The following MROH7 variants were observed in gnomAD, a reference collection of about 807,000 sequenced individuals.
MROH7 encodes maestro heat like repeat family member 7.
In MROH7, 113 loss-of-function variants were observed where a neutral mutation model predicts 129.2. The ratio of observed to expected loss-of-function variants is 0.87; its 90% CI spans 0.75 to 1.02. The LOEUF (loss-of-function observed/expected upper bound fraction) is 1.02. MROH7 is among the 50% of genes least tolerant of loss of function. The pLI, the probability that MROH7 is intolerant of heterozygous loss-of-function variation, is 0.00. For synonymous variants in MROH7, 655 were observed against 667.9 expected (o/e 0.98, Z 0.30); for missense variants, 1,601 against 1,671.3 (o/e 0.96, Z 0.73).
intron 15 of MROH7, among the ~76,000 whole-genome samples, chr1:54,687,656 G>A (rs1376725311): frequency 1.3e-5 from 2 of 152,040 alleles, no homozygotes; most frequent in African/African-American, 4.8e-5. Flanking sequence ...GGATAAAATG[G>A]AGTGACTCCT....
At chr1:54,664,208 G>A (rs891202120) in intron 3 of MROH7, among the ~76,000 whole-genome samples, 1 of 152,192 alleles carries the variant, frequency 6.6e-6, no homozygotes, top group Non-Finnish European at 1.5e-5. Context: ...GGAATAGGGT[G>A]CACCCAGGAA....
At chr1:54,676,836 G>C (rs894454052) in intron 10 of MROH7, among the ~76,000 whole-genome samples, 1 of 151,906 alleles carries the variant, frequency 6.6e-6, no homozygotes, top group Non-Finnish European at 1.5e-5. Flanking sequence ...AGCCTCCTGA[G>C]TAGCTGGGAT....
At chr1:54,697,937 T>C in intron 17 of MROH7, 1 of 427,544 alleles carries the variant, frequency 2.3e-6, no homozygotes, top group Non-Finnish European at 4.2e-6. Context: ...CACCATTCCC[T>C]GGACTCCTGA....
At chr1:54,654,293 T>C (rs761327172) in intron 3 of MROH7, 136 bp downstream of exon 3, 2 of 893,936 alleles carry the variant, frequency 2.2e-6, no homozygotes, top group East Asian at 2.7e-5. Flanking sequence ...AATTCTATAC[T>C]AGACATCTAA....
intron 23 of MROH7, 30 bp from the exon 24 acceptor site, chr1:54,709,916 T>G (rs370756083): frequency 1.3e-5 from 21 of 1,602,068 alleles, no homozygotes; most frequent in Admixed American, 1.7e-5. Flanking sequence ...TGGGTCTTAA[T>G]AGGAGGCTTC....
At position 54,695,421 on chromosome 1, in the gene MROH7, C is replaced by T; in HGVS notation, c.2895C>T (p.Tyr965=). 6.2e-7 allele frequency: 1 copy of T among 1,613,798 alleles called. No individual in the cohort carries two copies. Among genetic ancestry groups the T allele is most frequent in the Non-Finnish European group, 8.5e-7 (1 of 1,179,874 alleles). Residue 965 remains tyrosine, a synonymous_variant, in exon 17 of 24, where the codon TAC becomes TAT. Transcript: ENST00000421030. ...GCCAGGAGCTGTGCCGCATCCTCTA[C>T]CTGCTCATCCCGCTCCTGGAGCGAG... ...YSCQELCRIL[Y]LLIPLLERGD...
At chr1:54,664,936 C>T (rs571693234) in intron 3 of MROH7, among the ~76,000 whole-genome samples, 13 of 152,124 alleles carry the variant, frequency 8.5e-5, no homozygotes, top group African/African-American at 2.9e-4. Context: ...CACTTGAACC[C>T]GGAAGTTGAA....
chr1:54,707,768 A>G (rs1645558870), intron 22 of MROH7, among the ~76,000 whole-genome samples: 1 of 152,174 alleles, frequency 6.6e-6, no homozygotes, highest in Non-Finnish European at 1.5e-5. Context: ...TGCAATGATT[A>G]TTAACCTTTT....
intron 16 of MROH7, among the ~76,000 whole-genome samples, chr1:54,693,477 T>C (rs1645272197): frequency 6.6e-6 from 1 of 152,192 alleles, no homozygotes; most frequent in African/African-American, 2.4e-5. Context: ...CCACACAGGC[T>C]AATTTTTACT....
In MROH7 at chr1:54,668,844, TGTCCCCTAG is replaced by T; in HGVS notation, c.1306-7_1307del. 1 of 1,612,678 alleles carries T rather than the reference TGTCCCCTAG, an allele frequency of 6.2e-7. No homozygotes were observed. Among genetic ancestry groups the T allele is most frequent in the African/African-American group, 1.3e-5 (1 of 74,990 alleles). On this transcript the variant is annotated splice_acceptor_variant and splice_polypyrimidine_tract_variant and intron_variant, in intron 4 of 23. Transcript: ENST00000421030. LOFTEE classifies it high-confidence loss of function. ...CTCACTCTGAGGTTTTGCCCTCTGC[TGTCCCCTAG>T]GTTGAGAATGTCACCACCCTTCAGA...
rs982397541 is a variant in MROH7, at chr1:54,682,522, G to T, written c.2382-134G>T. 1.7e-5 allele frequency: 14 copies of T among 828,268 alleles called. No homozygotes were observed. The South Asian group carries it at 2.4e-4, about 14-fold the overall frequency. The allele number at this position is 828,268 out of a possible 1,614,324, so 51.3% of individuals were successfully genotyped here. ...CCTGACTCTTTGGGAGTGTTTTCTG[G>T]ACTATTCCTTGCAGGTGTGCCCATG... On this transcript the variant is annotated intron_variant, in intron 13 of 23. Transcript: ENST00000421030.
intron 12 of MROH7, 55 bp downstream of exon 12, chr1:54,679,494 C>G (rs1645034959): frequency 4.5e-6 from 7 of 1,553,826 alleles, no homozygotes; most frequent in Non-Finnish European, 6.2e-6. Context: ...GGAGCTCCCC[C>G]CATGGCCTGC....
At chr1:54,686,167 T>C (rs1645143380) in intron 14 of MROH7, 91 bp from the exon 15 acceptor site, 2 of 1,216,904 alleles carry the variant, frequency 1.6e-6, no homozygotes, top group African/African-American at 3.0e-5. Flanking sequence ...AAGACCCAGA[T>C]CCTACCTCCC....
intron 21 of MROH7, among the ~76,000 whole-genome samples, chr1:54,706,034 C>G (rs1218917017): frequency 6.6e-6 from 1 of 152,078 alleles, no homozygotes; most frequent in East Asian, 1.9e-4. Context: ...TACGAGTAAG[C>G]CCTATTTCTG....
rs538253628 is a variant in MROH7 at position 54,692,447 on chromosome 1, C to A, written c.2735C>A (p.Thr912Asn). 2.2e-5 allele frequency: 35 copies of A among 1,614,074 alleles called. No individual in the cohort carries two copies. In the South Asian group the frequency reaches 3.8e-4, roughly 18 times the overall value. ...PVRWVVKVVK[T>N]LLLRMGCSYE... ...AGCTGGGTGGTGAAAGTGGTGAAAA[C>A]CCTGCTACTGAGGATGGGCTGCTCT... Residue 912 changes from threonine (T) to asparagine (N), a missense_variant, in exon 16 of 24, where the codon ACC (threonine) becomes AAC (asparagine). Thr to Asn is a moderately conservative substitution (Grantham distance 65). Transcript: ENST00000421030.
rs191332445 is a variant in MROH7, at chr1:54,655,937, A to G, written c.1231+1780A>G. 5.4e-5 allele frequency among the ~76,000 whole-genome samples: 8 copies of G among 148,108 alleles called. No individual in the cohort carries two copies. The East Asian group carries it at 6.1e-4, about 11-fold the overall frequency. On this transcript the variant is annotated intron_variant, in intron 3 of 23. Coordinates refer to ENST00000421030, the MANE Select transcript of MROH7 (RefSeq NM_001039464.4). ...GAGATGGAGTCTTGCTCCGTCACCA[A>G]GGCTGGAGTGTAATGGCATGATCTC...
rs1377660492 is a variant in MROH7, at chr1:54,670,497, A to G, written c.1390A>G (p.Arg464Gly). The change falls in exon 6 of 24, where the codon AGG (arginine) becomes GGG (glycine). Residue 464 changes from arginine to glycine, a missense_variant and splice_region_variant. Arg to Gly is a moderately radical substitution (Grantham distance 125). Transcript: ENST00000421030. ...GGCCCTTCTGTGGCCCCCTGTCCAG[A>G]GGCAGATCCAGGAGGAGCCACTGGA... ...EKKTMIKKIM[R>G]QIQEEPLDSL... The G allele has an allele frequency of 6.2e-7, 1 of 1,613,550 alleles. No homozygotes were observed. Among genetic ancestry groups the G allele is most frequent in the Non-Finnish European group, 8.5e-7 (1 of 1,179,784 alleles).
chr1:54,653,511 G>T lies in MROH7; in HGVS notation c.585G>T (p.Arg195Ser). The T allele has an allele frequency of 6.2e-7, 1 of 1,614,070 alleles. No homozygotes were observed. The highest frequency in any genetic ancestry group is 8.5e-7 in the Non-Finnish European group (1 of 1,180,032). The change falls in exon 3 of 24, where the codon AGG (arginine) becomes AGT (serine). Residue 195 changes from arginine (R) to serine (S), a missense_variant. Coordinates refer to ENST00000421030, the MANE Select transcript of MROH7 (RefSeq NM_001039464.4). ...TGGTTCTGGGCCACTGCATCTCTAGGCCAAGCTCAAAAGCACTCCTTATTC... is the reference window on the plus strand; with the variant it reads ...TGGTTCTGGGCCACTGCATCTCTAGTCCAAGCTCAAAAGCACTCCTTATTC... ...EGLVLGHCIS[R>S]PSSKALLIPT...
chr1:54,648,729 T>C (rs1345217003), intron 1 of MROH7, among the ~76,000 whole-genome samples: 1 of 152,090 alleles, frequency 6.6e-6, no homozygotes, highest in East Asian at 1.9e-4. Flanking sequence ...TGGAAGCTGG[T>C]CTAGATAAAG....
Sources: allele counts gnomAD v4.1 joint callset (sites outside exome capture counted in the v4.1 genomes callset), GRCh38; gene constraint gnomAD v4.1.1; transcripts MANE v1.5; gene names NCBI Gene and HGNC (gene_info 2026-07-23, HGNC 2026-07-21).